Variants in CDIN1 observed in about 807,000 individuals in gnomAD.
The protein encoded by CDIN1 is CDAN1 interacting nuclease 1, also known as CDAN1-interacting nuclease 1.
CDIN1 carries 33 observed loss-of-function variants against 45.3 expected under a neutral mutation model. The ratio of observed to expected loss-of-function variants is 0.73; its 90% CI spans 0.55 to 0.97. CDIN1 has a LOEUF of 0.97. Among genes scored for constraint, CDIN1 ranks in the 50% least tolerant of loss-of-function variants. The probability of loss-of-function intolerance (pLI) is 0.00; values close to 1 mark genes in which losing one functional copy is unlikely to be tolerated. For missense variants in CDIN1, 303 were observed against 339.4 expected, an observed-to-expected ratio of 0.89 and a Z score of 0.84; for synonymous variants, 118 against 124.4, an observed-to-expected ratio of 0.95 and a Z score of 0.34.
At chr15:36,716,467 C>T (rs1453828562) in intron 10 of CDIN1, among the ~76,000 whole-genome samples, 1 of 152,138 alleles carries the variant, frequency 6.6e-6, no homozygotes, top group African/African-American at 2.4e-5. Context: ...GAGTCTATTT[C>T]TGAGGCTAAT....
At chr15:36,686,915 GAAGGAAGGAAGAA>G (rs2042077907) in intron 5 of CDIN1, among the ~76,000 whole-genome samples, 1 of 142,192 alleles carries the variant, frequency 7.0e-6, no homozygotes. Context: ...GGGAGAGAGG[GAAGGAAGGAAGAA>G]AAGGAAGGAA....
rs758085699 is a variant in CDIN1, at chr15:36,657,905, C to T, written c.346C>T (p.Pro116Ser). The T allele has an allele frequency of 1.9e-5, 31 of 1,608,570 alleles. No individual in the cohort carries two copies. The highest frequency in any genetic ancestry group is 1.1e-4 in the East Asian group (5 of 44,754). ...TCTACAGGAACACGAGGAAACTCCACGTGAGTTACCCTTTTTTCCTAATGG... is the reference window on the plus strand; with the variant it reads ...TCTACAGGAACACGAGGAAACTCCATGTGAGTTACCCTTTTTTCCTAATGG... ...RFLQEHEETP[P>S]SKSIINSMLR... is the part of the protein sequence containing the mutation. Residue 116 changes from proline to serine, a missense_variant and splice_region_variant, in exon 5 of 11, where the codon CCC becomes TCC. Coordinates refer to ENST00000566621, the MANE Select transcript of CDIN1 (RefSeq NM_001321759.2).
chr15:36,793,859 A>G (rs2054713460), intron 10 of CDIN1, among the ~76,000 whole-genome samples: 1 of 152,072 alleles, frequency 6.6e-6, no homozygotes, highest in African/African-American at 2.4e-5. Flanking sequence ...CAGTGTCCCA[A>G]TGCTTTTCCG....
At chr15:36,755,576 G>A (rs1008607200) in intron 10 of CDIN1, among the ~76,000 whole-genome samples, 3 of 151,838 alleles carry the variant, frequency 2.0e-5, no homozygotes, top group African/African-American at 4.8e-5. Flanking sequence ...TGGTAATTAC[G>A]AGTTTTTCAA....
At chr15:36,619,469 TTCTA>T (rs58603040) in intron 1 of CDIN1, among the ~76,000 whole-genome samples, 52,961 of 146,918 alleles carry the variant, frequency 0.36, 9,484 homozygotes, top group Middle Eastern at 0.37. Flanking sequence ...GCTGGAGGAT[TTCTA>T]TCTATCTATC....
chr15:36,786,198 T>G (rs2054486315), intron 10 of CDIN1, among the ~76,000 whole-genome samples: 1 of 152,244 alleles, frequency 6.6e-6, no homozygotes, highest in Non-Finnish European at 1.5e-5. Context: ...GCTGTAAGGC[T>G]GAAAATATGT....
intron 1 of CDIN1, among the ~76,000 whole-genome samples, chr15:36,587,221 G>T (rs2037346144): frequency 1.3e-5 from 2 of 151,080 alleles, no homozygotes; most frequent in African/African-American, 2.4e-5. Context: ...TTTCTATCTT[G>T]GCCCATATCT....
intron 1 of CDIN1, among the ~76,000 whole-genome samples, chr15:36,586,024 C>T (rs570653210): frequency 6.6e-6 from 1 of 152,200 alleles, no homozygotes; most frequent in African/African-American, 2.4e-5. Flanking sequence ...TGTGCTCAAC[C>T]CATACTCATA....
chr15:36,803,147 T>G (rs2055105343), intron 10 of CDIN1, among the ~76,000 whole-genome samples: 1 of 151,580 alleles, frequency 6.6e-6, no homozygotes, highest in African/African-American at 2.4e-5. Context: ...ACCAACTCCT[T>G]CAAATATGCA....
intron 1 of CDIN1, among the ~76,000 whole-genome samples, chr15:36,587,760 CTTT>C (rs1448400514): frequency 6.6e-6 from 1 of 152,106 alleles, no homozygotes; most frequent in Non-Finnish European, 1.5e-5. Context: ...AGCTCTATCT[CTTT>C]TTATCTGAGT....
intron 4 of CDIN1, 76 bp from the exon 5 acceptor site, chr15:36,657,757 A>G (rs2040837331): frequency 1.8e-6 from 2 of 1,127,366 alleles, no homozygotes; most frequent in Admixed American, 4.3e-5. Context: ...CTTATTCTTC[A>G]GTGTTGACAA....
In CDIN1 at chr15:36,691,894, A is replaced by G. The variant is rs182593622; in HGVS notation, c.426+130A>G. On this transcript the variant is annotated intron_variant, in intron 6 of 10. Transcript: ENST00000566621. ...AGGTCAGGGTGCACCATAAATGGCA[A>G]TGCAGTATTTGCGAGAAGAGCATTT... 43 of 800,542 alleles carry G rather than the reference A, an allele frequency of 5.4e-5. No individual in the cohort carries two copies. The African/African-American group carries it at 6.1e-4, about 11-fold the overall frequency. 49.6% of individuals were successfully genotyped at this position (800,542 alleles called of 1,614,324 possible).
At chr15:36,666,287 TACCCCCACTGATGAAATGTAGTAG>T (rs1180021487) in intron 5 of CDIN1, among the ~76,000 whole-genome samples, 7 of 152,194 alleles carry the variant, frequency 4.6e-5, no homozygotes, top group African/African-American at 1.7e-4. Context: ...AATTCTCCTC[TACCCCCACTGATGAAATGTAGTAG>T]ACTGAGAATT....
chr15:36,584,913 C>T (rs371306488), intron 1 of CDIN1, among the ~76,000 whole-genome samples: 42 of 152,282 alleles, frequency 2.8e-4, no homozygotes, highest in African/African-American at 9.4e-4. Flanking sequence ...AACAAAATAA[C>T]GTTATTTGAA....
intron 10 of CDIN1, among the ~76,000 whole-genome samples, chr15:36,767,251 C>G (rs781234649): frequency 6.6e-6 from 1 of 152,190 alleles, no homozygotes; most frequent in Middle Eastern, 3.4e-3. Context: ...AAATGTGTTA[C>G]GGTTCAGCAG....
At chr15:36,659,521 C>T (rs1423833941) in intron 5 of CDIN1, among the ~76,000 whole-genome samples, 2 of 151,892 alleles carry the variant, frequency 1.3e-5, no homozygotes, top group South Asian at 2.1e-4. Context: ...TTGAATTACA[C>T]TATGATTATG....
intron 10 of CDIN1, among the ~76,000 whole-genome samples, chr15:36,738,156 G>C (rs62002344): frequency 0.13 from 19,145 of 152,006 alleles, 1,345 homozygotes; most frequent in East Asian, 0.29. Context: ...ATTTCATCTA[G>C]TTTTATACCA....
chr15:36,777,247 G>GA (rs146778658), intron 10 of CDIN1, among the ~76,000 whole-genome samples: 128 of 152,022 alleles, frequency 8.4e-4, no homozygotes, highest in African/African-American at 2.8e-3. Context: ...AGTGACGGGA[G>GA]AAAAAAAGAA....
chr15:36,758,048 C>CA, intron 10 of CDIN1, among the ~76,000 whole-genome samples: 1 of 152,024 alleles, frequency 6.6e-6, no homozygotes, highest in Admixed American at 6.5e-5. Context: ...AAACATAGTA[C>CA]ATATAGCGTC....
Sources: allele counts gnomAD v4.1 joint callset (sites outside exome capture counted in the v4.1 genomes callset), GRCh38; gene constraint gnomAD v4.1.1; transcripts MANE v1.5; gene names NCBI Gene and HGNC (gene_info 2026-07-23, HGNC 2026-07-21).